Variants in NLE1 observed in about 807,000 individuals in gnomAD.
The protein encoded by NLE1 is notchless homolog 1.
NLE1 carries 37 observed loss-of-function variants against 62.8 expected under a neutral mutation model. The ratio of observed to expected loss-of-function variants is 0.59; its 90% confidence interval spans 0.45 to 0.78. The LOEUF (loss-of-function observed/expected upper bound fraction) is 0.78. NLE1 is among the 30% of genes least tolerant of loss of function. The pLI is 0.00. For synonymous variants in NLE1, 243 were observed against 253.0 expected (o/e 0.96, Z 0.37); for missense variants, 555 against 637.9 (o/e 0.87, Z 1.40).
rs201248090 is a variant in NLE1 at position 35,133,171 on chromosome 17, A to G, written c.1445T>C (p.Ile482Thr). The G allele has an allele frequency of 6.2e-7, 1 of 1,614,022 alleles. No homozygotes were observed. The change falls in exon 12 of 13, where the codon ATA (isoleucine) becomes ACA (threonine). Residue 482 changes from isoleucine to threonine, a missense_variant and splice_region_variant. By Grantham distance (89) the Ile-to-Thr change is moderately conservative (BLOSUM62 -1). Transcript: ENST00000442241. The part of the protein sequence containing the change: ...ASGGKDKCLR[I>T]WRR ...CAACCACCACTTCCCCCACACTCAC[A>G]TCCGGAGGCATTTGTCCTTCCCACC...
rs2091902359 is a variant in NLE1 at position 35,135,404 on chromosome 17, T to G, written c.1059A>C (p.Leu353Phe). 2 of 1,614,190 alleles carry G rather than the reference T, an allele frequency of 1.2e-6. No homozygotes were observed. Among genetic ancestry groups the G allele is most frequent in the Non-Finnish European group, 1.7e-6 (2 of 1,180,040 alleles). The stretch of plus-strand genomic sequence containing the variant: ...TGTCCTCTGCTGGGGACCACAGGAA[T>G]AAGGTGAAGTCGTCGGAGCCAGACA... ...RLVSGSDDFT[L>F]FLWSPAEDKK... is the part of the protein sequence containing the mutation. The change falls in exon 10 of 13, where the codon TTA (leucine) becomes TTC (phenylalanine). Residue 353 changes from leucine (L) to phenylalanine (F), a missense_variant. Transcript: ENST00000442241.
At chr17:35,134,937 AG>A (rs1160724478) in intron 10 of NLE1, 2 of 442,416 alleles carry the variant, frequency 4.5e-6, no homozygotes. Context: ...CTGTAATCCC[AG>A]CTACCTGGGA....
chr17:35,129,756 C>G lies in NLE1; in HGVS notation c.*2681G>C. On this transcript the variant is annotated 3_prime_UTR_variant, in exon 13 of 13. Coordinates refer to ENST00000442241, the MANE Select transcript of NLE1 (RefSeq NM_018096.5). The stretch of plus-strand genomic sequence containing the variant: ...TGGGAACACCCCTATGCCCACATGA[C>G]TCATCTGGCTAGCTTTCCTTCTGCC... 6.7e-7 allele frequency: 1 copy of G among 1,492,906 alleles called. No homozygotes were observed. 92.5% of individuals were successfully genotyped at this position (1,492,906 alleles called of 1,614,324 possible).
chr17:35,141,965 G>C lies in NLE1; in HGVS notation c.162+14C>G. The C allele has an allele frequency of 6.4e-7, 1 of 1,562,860 alleles. No homozygotes were observed. The highest frequency in any genetic ancestry group is 8.7e-7 in the Non-Finnish European group (1 of 1,154,076). On this transcript the variant is annotated intron_variant, in intron 2 of 12. Coordinates refer to ENST00000442241, the MANE Select transcript of NLE1 (RefSeq NM_018096.5). ...GGGGGTGGAGATGCGAGGCCGCCCT[G>C]GCCAGCCACTTACCTGGGCCAGTAG... is the stretch of plus-strand genomic sequence containing the variant.
rs544229676 is a variant in NLE1 at position 35,129,060 on chromosome 17, GTAAA to G, written c.*3373_*3376del. 4.1e-4 allele frequency: 91 copies of G among 224,130 alleles called. No homozygotes were observed. The Middle Eastern group carries it at 5.3e-3, about 13-fold the overall frequency. The allele number at this position is 224,130 out of a possible 1,614,324, so 13.9% of individuals were successfully genotyped here. ...GTACCCTGAGCCGTGGGGAGCAGCT[GTAAA>G]TACAGATGAAGCTTCGCTTGCTCGC... is the stretch of plus-strand genomic sequence containing the variant. On this transcript the variant is annotated 3_prime_UTR_variant, in exon 13 of 13. Transcript: ENST00000442241.
chr17:35,129,848 GC>G lies in NLE1; in HGVS notation c.*2588del. ...GGTTTAAGGATTAAGCCACTCTGGG[GC>G]CCACTAGGAATGCAAACGAATGTAT... On this transcript the variant is annotated 3_prime_UTR_variant, in exon 13 of 13. Coordinates refer to ENST00000442241, the MANE Select transcript of NLE1 (RefSeq NM_018096.5). The G allele has an allele frequency of 7.0e-7, 1 of 1,425,994 alleles. No individual in the cohort carries two copies. Among genetic ancestry groups the G allele is most frequent in the Non-Finnish European group, 9.1e-7 (1 of 1,094,666 alleles). The allele number at this position is 1,425,994 out of a possible 1,614,324, so 88.3% of individuals were successfully genotyped here.
rs2091870858 is a variant in NLE1 at position 35,130,550 on chromosome 17, G to C, written c.*1887C>G. The C allele has an allele frequency of 1.8e-6, 2 of 1,133,674 alleles. No homozygotes were observed. The highest frequency in any genetic ancestry group is 1.6e-5 in the African/African-American group (1 of 64,312). 70.2% of individuals were successfully genotyped at this position (1,133,674 alleles called of 1,614,324 possible). A position where few individuals can be genotyped will look rare whatever the true frequency, so the allele number is the denominator to read the frequency against. On this transcript the variant is annotated 3_prime_UTR_variant, in exon 13 of 13. Transcript: ENST00000442241. ...CACCCTGCGGGCCCGGGGTCTGGCA[G>C]AGTGGTATGGGCACCCCACCCCTGG...
intron 10 of NLE1, chr17:35,134,928 T>C (rs780799072): frequency 1.1e-4 from 48 of 431,110 alleles, no homozygotes; most frequent in African/African-American, 8.0e-4. Flanking sequence ...GGCGGAGGCC[T>C]GTAATCCCAG....
At position 35,137,077 on chromosome 17, in the gene NLE1, C is replaced by G; in HGVS notation, c.752G>C (p.Cys251Ser). ...AAGCCCGTCCCCTCCCCACCGGAGACAGGTGACCGACTGGGTGTGCCCGGT... is the reference window on the plus strand; with the variant it reads ...AAGCCCGTCCCCTCCCCACCGGAGAGAGGTGACCGACTGGGTGTGCCCGGT... ...ILTGHTQSVT[C>S]LRWGGDGLLY... Residue 251 changes from cysteine (C) to serine (S), a missense_variant, in exon 7 of 13, where the codon TGT (cysteine) becomes TCT (serine). Physicochemically the swap from Cys to Ser is moderately radical, Grantham distance 112. Transcript: ENST00000442241. 1 of 1,614,042 alleles carries G rather than the reference C, an allele frequency of 6.2e-7. No individual in the cohort carries two copies. Among genetic ancestry groups the G allele is most frequent in the Non-Finnish European group, 8.5e-7 (1 of 1,179,988 alleles).
At chr17:35,134,634 A>G (rs926909813) in intron 10 of NLE1, among the ~76,000 whole-genome samples, 9 of 152,154 alleles carry the variant, frequency 5.9e-5, no homozygotes, top group Non-Finnish European at 1.2e-4. Context: ...TCCTGAACTC[A>G]GGTGATCTGC....
Position 35,130,953 on chromosome 17 carries a change from T to C in NLE1, c.*1484A>G, listed in dbSNP as rs1032974384. ...CTCTTACACCAGAAAAATACAGAAA[T>C]AGCTGTCATGGACAGACGTGGTGGC... On this transcript the variant is annotated 3_prime_UTR_variant, in exon 13 of 13. Transcript: ENST00000442241. 6.4e-6 allele frequency: 1 copy of C among 156,434 alleles called. No homozygotes were observed. The highest frequency in any genetic ancestry group is 1.4e-5 in the Non-Finnish European group (1 of 70,390). The allele number at this position is 156,434 out of a possible 1,614,324, so 9.7% of individuals were successfully genotyped here.
At position 35,129,505 on chromosome 17, in the gene NLE1, T is replaced by C. The variant is rs745811489; in HGVS notation, c.*2932A>G. On this transcript the variant is annotated 3_prime_UTR_variant, in exon 13 of 13. Coordinates refer to ENST00000442241, the MANE Select transcript of NLE1 (RefSeq NM_018096.5). The stretch of plus-strand genomic sequence containing the variant: ...AGGAGGTGGCCAAGACACAGGAGAA[T>C]GAGTTGCCCGAGGCAAAGAATCGTC... The C allele has an allele frequency of 9.3e-6, 15 of 1,613,990 alleles. No individual in the cohort carries two copies. The highest frequency in any genetic ancestry group is 1.2e-5 in the Non-Finnish European group (14 of 1,179,994).
intron 5 of NLE1, 74 bp from the exon 6 acceptor site, chr17:35,137,714 T>TTGCC: frequency 1.2e-5 from 14 of 1,212,346 alleles, no homozygotes; most frequent in South Asian, 2.5e-5. Flanking sequence ...GCCTACCACT[T>TTGCC]CCCACCCAAC....
At chr17:35,141,885 G>C (rs1284163471) in intron 2 of NLE1, 94 bp downstream of exon 2, 1 of 1,382,412 alleles carries the variant, frequency 7.2e-7, no homozygotes, top group Non-Finnish European at 9.8e-7. Flanking sequence ...GTCCGTTAGC[G>C]GGGGACCATG....
chr17:35,132,386 A>T lies in NLE1; in HGVS notation c.*51T>A, dbSNP rs1176186646. 2 of 1,432,992 alleles carry T rather than the reference A, an allele frequency of 1.4e-6. No homozygotes were observed. The highest frequency in any genetic ancestry group is 1.8e-6 in the Non-Finnish European group (2 of 1,085,904). The allele number at this position is 1,432,992 out of a possible 1,614,324, so 88.8% of individuals were successfully genotyped here. A position where few individuals can be genotyped will look rare whatever the true frequency, so the allele number is the denominator to read the frequency against. ...GCCTTTGTTCTCTGGCAGGGAAGGC[A>T]GCTGGCAGAGGCCGAGTCGAGGTGG... On this transcript the variant is annotated 3_prime_UTR_variant, in exon 13 of 13. Coordinates refer to ENST00000442241, the MANE Select transcript of NLE1 (RefSeq NM_018096.5).
In NLE1 at chr17:35,139,683, C is replaced by T. The variant is rs187960963; in HGVS notation, c.380+166G>A. The T allele has an allele frequency of 3.6e-3, 3,448 of 948,182 alleles. 12 individuals are homozygous for T. Among genetic ancestry groups the T allele is most frequent in the Non-Finnish European group, 4.7e-3 (3,099 of 655,026 alleles). 58.7% of individuals were successfully genotyped at this position (948,182 alleles called of 1,614,324 possible). ...GGGGTCCTTAAGCAGCCTTTGGGGA[C>T]CATGCCCTACTGAGGAAGTCCCTTA... is the stretch of plus-strand genomic sequence containing the variant. On this transcript the variant is annotated intron_variant, in intron 3 of 12. Coordinates refer to ENST00000442241, the MANE Select transcript of NLE1 (RefSeq NM_018096.5).
Position 35,142,033 on chromosome 17 carries a change from G to A in NLE1, c.108C>T (p.Pro36=), listed in dbSNP as rs34714758. The change falls in exon 2 of 13, where the codon CCC becomes CCT. Residue 36 remains proline, a synonymous_variant. Coordinates refer to ENST00000442241, the MANE Select transcript of NLE1 (RefSeq NM_018096.5). Reference sequence around the variant, plus strand: ...GCAGCCTGTCCGGGGTGATGTCCACGGGCACGTCGAACGGGGAACCCAGCA... The same window carrying A: ...GCAGCCTGTCCGGGGTGATGTCCACAGGCACGTCGAACGGGGAACCCAGCA... ...GQLLGSPFDV[P]VDITPDRLQL... The A allele has an allele frequency of 1.9e-3, 3,127 of 1,610,392 alleles. 44 individuals carry two copies. In the African/African-American group the frequency reaches 0.035, roughly 18 times the overall value.
rs2091866902 is a variant in NLE1, at chr17:35,130,031, G to A, written c.*2406C>T. On this transcript the variant is annotated 3_prime_UTR_variant, in exon 13 of 13. Coordinates refer to ENST00000442241, the MANE Select transcript of NLE1 (RefSeq NM_018096.5). Reference sequence around the variant, plus strand: ...GGGGACGAAGAAGGGAACAGCCTGGGTATGGGGTAGGGGTATGGGGGTATA... The same window carrying A: ...GGGGACGAAGAAGGGAACAGCCTGGATATGGGGTAGGGGTATGGGGGTATA... The A allele has an allele frequency of 7.2e-7, 1 of 1,390,136 alleles. No homozygotes were observed. The highest frequency in any genetic ancestry group is 3.1e-5 in the Admixed American group (1 of 32,496). 86.1% of individuals were successfully genotyped at this position (1,390,136 alleles called of 1,614,324 possible). A position where few individuals can be genotyped will look rare whatever the true frequency, so the allele number is the denominator to read the frequency against.
chr17:35,135,905 A>C (rs1472094868), intron 9 of NLE1, among the ~76,000 whole-genome samples: 2 of 152,252 alleles, frequency 1.3e-5, no homozygotes, highest in African/African-American at 2.4e-5. Flanking sequence ...ATGTGTGAAC[A>C]ATCTTAAACA....
Sources: allele counts gnomAD v4.1 joint callset (sites outside exome capture counted in the v4.1 genomes callset), GRCh38; gene constraint gnomAD v4.1.1; transcripts MANE v1.5; gene names NCBI Gene and HGNC (gene_info 2026-07-23, HGNC 2026-07-21).